The following NKAIN3 variants were observed in gnomAD, a reference collection of about 807,000 sequenced individuals.
The protein encoded by NKAIN3 is sodium/potassium-transporting ATPase subunit beta-1-interacting protein 3.
A neutral mutation model predicts 30.2 loss-of-function variants in NKAIN3; 25 were observed. The observed-to-expected ratio is 0.83, with a 90% confidence interval of 0.60 to 1.16. The LOEUF (loss-of-function observed/expected upper bound fraction) is 1.16. Among genes scored for constraint, NKAIN3 ranks in the 50% most tolerant of loss-of-function variants. The pLI, the probability that NKAIN3 is intolerant of heterozygous loss-of-function variation, is 0.00. For missense variants in NKAIN3, 225 were observed against 254.1 expected (o/e 0.89, Z 0.78); for synonymous variants, 91 against 89.6 (o/e 1.02, Z -0.09).
chr8:62,579,691 T>A lies in NKAIN3; in HGVS notation c.192+15T>A. The A allele has an allele frequency of 7.1e-7, 1 of 1,403,176 alleles. No individual in the cohort carries two copies. The highest frequency in any genetic ancestry group is 9.4e-7 in the Non-Finnish European group (1 of 1,066,870). 86.9% of individuals were successfully genotyped at this position (1,403,176 alleles called of 1,614,324 possible). On this transcript the variant is annotated intron_variant, in intron 2 of 6. Coordinates refer to ENST00000623646, the MANE Select transcript of NKAIN3 (RefSeq NM_001304533.3). ...ACATAATGGTGGTAAGTCTTATTTTTATCATTTTGCTTCATATAAACAATT... is the reference window on the plus strand; with the variant it reads ...ACATAATGGTGGTAAGTCTTATTTTAATCATTTTGCTTCATATAAACAATT...
chr8:62,277,312 G>A (rs902827840), intron 1 of NKAIN3, among the ~76,000 whole-genome samples: 15 of 152,116 alleles, frequency 9.9e-5, no homozygotes, highest in African/African-American at 3.4e-4. Flanking sequence ...ACAGAAAGCA[G>A]TTTGTATTTT....
intron 1 of NKAIN3, among the ~76,000 whole-genome samples, chr8:62,559,342 C>T (rs1047490074): frequency 6.6e-6 from 1 of 151,970 alleles, no homozygotes; most frequent in Non-Finnish European, 1.5e-5. Context: ...TTGTAGATAA[C>T]ATACAGATGT....
At chr8:62,436,404 A>G (rs1215616208) in intron 1 of NKAIN3, among the ~76,000 whole-genome samples, 1 of 152,158 alleles carries the variant, frequency 6.6e-6, no homozygotes, top group Non-Finnish European at 1.5e-5. Context: ...AACTCTACAG[A>G]CATCTTTTAT....
chr8:62,864,116 C>G, intron 4 of NKAIN3: 2 of 627,184 alleles, frequency 3.2e-6, no homozygotes, highest in South Asian at 3.8e-5. Flanking sequence ...AGGGGCTTCG[C>G]GGAGGTGATG....
In NKAIN3 at chr8:62,974,276, T is replaced by C. The variant is rs1292414384; in HGVS notation, c.*8869T>C. On this transcript the variant is annotated 3_prime_UTR_variant, in exon 7 of 7. Transcript: ENST00000623646. The stretch of plus-strand genomic sequence containing the variant: ...GGGCAGTATGGCCATTTTTACAATA[T>C]TGATTCTTCCTATCCATGAGCATGG... 3.3e-5 allele frequency among the ~76,000 whole-genome samples: 5 copies of C among 151,382 alleles called. 1 individual carries two copies. Among genetic ancestry groups the C allele is most frequent in the Non-Finnish European group, 7.4e-5 (5 of 67,454 alleles).
At chr8:62,500,072 T>G (rs533893130) in intron 1 of NKAIN3, among the ~76,000 whole-genome samples, 1 of 152,236 alleles carries the variant, frequency 6.6e-6, no homozygotes, top group Non-Finnish European at 1.5e-5. Context: ...GAGTACCGCT[T>G]GTCACTGGGC....
At chr8:62,263,401 C>A (rs1812505497) in intron 1 of NKAIN3, among the ~76,000 whole-genome samples, 3 of 151,992 alleles carry the variant, frequency 2.0e-5, no homozygotes, top group Admixed American at 6.6e-5. Context: ...GCTGTAATGC[C>A]TATGTGCTTT....
intron 3 of NKAIN3, among the ~76,000 whole-genome samples, chr8:62,735,610 C>T (rs1815636831): frequency 6.6e-6 from 1 of 152,072 alleles, no homozygotes; most frequent in Non-Finnish European, 1.5e-5. Context: ...CGTTAAGTAC[C>T]TTAATAATAC....
At chr8:62,738,885 A>AC (rs1815767395) in intron 3 of NKAIN3, among the ~76,000 whole-genome samples, 2 of 152,198 alleles carry the variant, frequency 1.3e-5, no homozygotes, top group South Asian at 4.1e-4. Flanking sequence ...CCAATGATAG[A>AC]CTGGATAAAG....
rs554607037 is a variant in NKAIN3 at position 62,475,944 on chromosome 8, G to A, written c.55-103595G>A. Among the ~76,000 whole-genome samples the A allele has an allele frequency of 7.9e-5, 12 of 152,276 alleles. No homozygotes were observed. In the South Asian group the frequency reaches 2.3e-3, roughly 29 times the overall value. Reference sequence around the variant, plus strand: ...ACTTGGGCAAGTTACTCAAACTCATGCAGCCTCCACTTCTGTGAAATAACA... The same window carrying A: ...ACTTGGGCAAGTTACTCAAACTCATACAGCCTCCACTTCTGTGAAATAACA... On this transcript the variant is annotated intron_variant, in intron 1 of 6. Coordinates refer to ENST00000623646, the MANE Select transcript of NKAIN3 (RefSeq NM_001304533.3).
At chr8:62,299,265 C>A (rs1478284562) in intron 1 of NKAIN3, among the ~76,000 whole-genome samples, 1 of 151,994 alleles carries the variant, frequency 6.6e-6, no homozygotes, top group East Asian at 1.9e-4. Flanking sequence ...CTCCTCTCCC[C>A]CACACCAATT....
chr8:62,537,233 T>C (rs1808693309), intron 1 of NKAIN3, among the ~76,000 whole-genome samples: 1 of 152,198 alleles, frequency 6.6e-6, no homozygotes, highest in South Asian at 2.1e-4. Context: ...CTAGAATTTC[T>C]GTATTGGTGT....
At chr8:62,797,937 A>G (rs1208113495) in intron 4 of NKAIN3, among the ~76,000 whole-genome samples, 1 of 152,166 alleles carries the variant, frequency 6.6e-6, no homozygotes, top group East Asian at 1.9e-4. Context: ...AAATTAATGA[A>G]CTGCCAGATG....
intron 4 of NKAIN3, among the ~76,000 whole-genome samples, chr8:62,802,779 G>A (rs1244487030): frequency 6.6e-6 from 1 of 152,154 alleles, no homozygotes; most frequent in Non-Finnish European, 1.5e-5. Context: ...AACTTTAAAT[G>A]TAAATGGACT....
intron 3 of NKAIN3, among the ~76,000 whole-genome samples, chr8:62,610,846 G>T (rs1811266100): frequency 2.0e-5 from 3 of 152,074 alleles, no homozygotes; most frequent in Admixed American, 2.0e-4. Flanking sequence ...TACAGAAGGG[G>T]TTGGTTGAAA....
chr8:62,351,773 A>G (rs1032277008), intron 1 of NKAIN3, among the ~76,000 whole-genome samples: 4 of 152,326 alleles, frequency 2.6e-5, no homozygotes, highest in African/African-American at 9.6e-5. Context: ...TTAAATGTTA[A>G]TTTCTATTGG....
chr8:62,817,210 A>G (rs568539397), intron 4 of NKAIN3, among the ~76,000 whole-genome samples: 6 of 152,100 alleles, frequency 3.9e-5, no homozygotes, highest in Admixed American at 1.3e-4. Context: ...TGAGTGCTGC[A>G]TGCCTCTAGT....
intron 1 of NKAIN3, among the ~76,000 whole-genome samples, chr8:62,383,221 C>G (rs1817329076): frequency 6.6e-6 from 1 of 152,128 alleles, no homozygotes; most frequent in Non-Finnish European, 1.5e-5. Flanking sequence ...AGGGACAAAG[C>G]ACTGATGGAA....
At chr8:62,652,164 C>G (rs758570801) in intron 3 of NKAIN3, among the ~76,000 whole-genome samples, 55 of 152,112 alleles carry the variant, frequency 3.6e-4, no homozygotes, top group Non-Finnish European at 6.3e-4. Context: ...CAAATGCCAT[C>G]ATCTTGGGGA....
Sources: allele counts gnomAD v4.1 joint callset (sites outside exome capture counted in the v4.1 genomes callset), GRCh38; gene constraint gnomAD v4.1.1; transcripts MANE v1.5; gene names NCBI Gene and HGNC (gene_info 2026-07-23, HGNC 2026-07-21).